The following SRRM1 variants were observed in gnomAD, a reference collection of about 807,000 sequenced individuals.
SRRM1 encodes the protein serine and arginine repetitive matrix 1.
A neutral mutation model predicts 110.2 loss-of-function variants in SRRM1; 19 were observed. That is an observed-to-expected ratio of 0.17 (90% CI 0.12 to 0.25). SRRM1 has a LOEUF of 0.25. SRRM1 is among the 10% of genes least tolerant of loss of function. The probability of loss-of-function intolerance (pLI) is 1.00; values close to 1 mark genes in which losing one functional copy is unlikely to be tolerated. For synonymous variants in SRRM1, 443 were observed against 414.9 expected, an observed-to-expected ratio of 1.07 and a Z score of -0.82; for missense variants, 918 against 1,145.8, an observed-to-expected ratio of 0.80 and a Z score of 2.87.
intron 1 of SRRM1, 95 bp downstream of exon 1, chr1:24,643,442 G>A: frequency 3.6e-6 from 4 of 1,111,140 alleles, no homozygotes; most frequent in Non-Finnish European, 4.9e-6. Context: ...CCAGCGAGGG[G>A]AGCTTCGGAG....
chr1:24,670,486 T>C (rs1326816245), intron 15 of SRRM1, among the ~76,000 whole-genome samples, 171 bp downstream of exon 15: 1 of 152,188 alleles, frequency 6.6e-6, no homozygotes, highest in African/African-American at 2.4e-5. Flanking sequence ...AATCAGTGGT[T>C]AGGTGTCCAT....
intron 9 of SRRM1, among the ~76,000 whole-genome samples, chr1:24,657,327 A>G (rs912229464): frequency 6.6e-6 from 1 of 152,250 alleles, no homozygotes; most frequent in African/African-American, 2.4e-5. Context: ...GTCAAGGTCA[A>G]CCAACTAGGA....
chr1:24,657,170 C>T (rs1025064998), intron 9 of SRRM1, among the ~76,000 whole-genome samples: 3 of 152,140 alleles, frequency 2.0e-5, no homozygotes, highest in African/African-American at 7.2e-5. Flanking sequence ...AGCCTCCAAC[C>T]CCTGGGATTA....
At chr1:24,649,651 G>A (rs975217595) in intron 4 of SRRM1, among the ~76,000 whole-genome samples, 1 of 152,198 alleles carries the variant, frequency 6.6e-6, no homozygotes, top group Non-Finnish European at 1.5e-5. Flanking sequence ...CTCCCAGAAA[G>A]AATAAGGTCA....
chr1:24,670,938 G>A (rs1217853509), intron 15 of SRRM1, among the ~76,000 whole-genome samples: 3 of 152,166 alleles, frequency 2.0e-5, no homozygotes, highest in Non-Finnish European at 4.4e-5. Context: ...CTAAAGATAG[G>A]AGAGCTCAGA....
At position 24,669,268 on chromosome 1, in the gene SRRM1, C is replaced by T. The variant is rs752295008; in HGVS notation, c.1885C>T (p.Pro629Ser). 1.2e-5 allele frequency: 20 copies of T among 1,614,062 alleles called. No individual in the cohort carries two copies. Among genetic ancestry groups the T allele is most frequent in the Non-Finnish European group, 1.6e-5 (19 of 1,180,052 alleles). ...PPPKRRASPS[P>S]PPKRRVSHSP... The stretch of plus-strand genomic sequence containing the variant: ...TCCTAAACGAAGAGCATCACCATCT[C>T]CACCACCAAAGCGGCGGGTCTCCCA... Residue 629 changes from proline to serine, a missense_variant, in exon 14 of 17, where the codon CCA becomes TCA. Pro to Ser is a moderately conservative substitution (Grantham distance 74). This residue lies in a region of SRRM1 where 357 missense variants were observed against 402.9 expected (regional missense o/e 0.89). Transcript: ENST00000323848.
intron 12 of SRRM1, among the ~76,000 whole-genome samples, chr1:24,663,916 A>G (rs1668522240): frequency 6.8e-6 from 1 of 146,518 alleles, no homozygotes; most frequent in Non-Finnish European, 1.5e-5. Context: ...AATAATAATA[A>G]ATAAAAGCGA....
intron 1 of SRRM1, among the ~76,000 whole-genome samples, chr1:24,644,191 T>C (rs1217560310): frequency 6.6e-6 from 1 of 152,088 alleles, no homozygotes; most frequent in Non-Finnish European, 1.5e-5. Flanking sequence ...GGGAAGTTAC[T>C]CCGTCGTAGT....
rs541246303 is a variant in SRRM1 at position 24,651,520 on chromosome 1, C to T, written c.633C>T (p.Ser211=). Residue 211 remains serine, a synonymous_variant, in exon 6 of 17, where the codon TCC becomes TCT. Transcript: ENST00000323848. ...ACAGAACCAAGAGCCGGAGTCCTTC[C>T]CCTGCTCCAGAAAAGAAGGAAAAAA... ...PRHRTKSRSP[S]PAPEKKEKTP... is the part of the protein sequence containing the mutation. The T allele has an allele frequency of 1.9e-6, 3 of 1,613,984 alleles. No individual in the cohort carries two copies. The African/African-American group carries it at 4.0e-5, about 22-fold the overall frequency.
intron 3 of SRRM1, 152 bp from the exon 4 acceptor site, chr1:24,648,707 G>A (rs1273994068): frequency 1.2e-5 from 7 of 608,040 alleles, no homozygotes; most frequent in Non-Finnish European, 2.0e-5. Flanking sequence ...TACTAGGGAA[G>A]ACTATTTGTA....
intron 9 of SRRM1, among the ~76,000 whole-genome samples, 154 bp downstream of exon 9, chr1:24,655,283 C>A (rs1244559358): frequency 2.6e-5 from 4 of 152,194 alleles, no homozygotes; most frequent in African/African-American, 4.8e-5. Context: ...CTACCTCTTT[C>A]CTGCTTTAAA....
At chr1:24,667,600 C>G (rs1351159198) in intron 13 of SRRM1, among the ~76,000 whole-genome samples, 1 of 152,064 alleles carries the variant, frequency 6.6e-6, no homozygotes, top group Non-Finnish European at 1.5e-5. Context: ...AATACCTGAC[C>G]AGTATTCAAA....
At chr1:24,653,634 C>T (rs1390008655) in intron 8 of SRRM1, among the ~76,000 whole-genome samples, 1 of 151,900 alleles carries the variant, frequency 6.6e-6, no homozygotes, top group Non-Finnish European at 1.5e-5. Context: ...TACCAGTGTT[C>T]TTTTTTTTAC....
At chr1:24,653,418 T>TA (rs1662192714) in intron 8 of SRRM1, among the ~76,000 whole-genome samples, 1 of 152,230 alleles carries the variant, frequency 6.6e-6, no homozygotes, top group Non-Finnish European at 1.5e-5. Flanking sequence ...CATTTGCTGT[T>TA]ATACTTTGAG....
intron 9 of SRRM1, among the ~76,000 whole-genome samples, chr1:24,657,655 G>A (rs1224913396): frequency 7.9e-5 from 12 of 152,152 alleles, no homozygotes; most frequent in Admixed American, 5.2e-4. Context: ...GAACTTACAG[G>A]TTAATTATTT....
At chr1:24,669,867 G>A in intron 14 of SRRM1, 1 of 554,902 alleles carries the variant, frequency 1.8e-6, no homozygotes. Context: ...TTTCTTGTGT[G>A]TGATGTAAGG....
In SRRM1 at chr1:24,646,093, T is replaced by C. The variant is rs753591434; in HGVS notation, c.111+20T>C. 5.0e-5 allele frequency: 79 copies of C among 1,577,016 alleles called. No individual in the cohort carries two copies. Among genetic ancestry groups the C allele is most frequent in the Non-Finnish European group, 6.9e-5 (79 of 1,148,012 alleles). ...AAAAAGGTATTCTTCTGGATGAGAC[T>C]GTTGTGCATCTTTATAGCACACTTA... On this transcript the variant is annotated intron_variant, in intron 2 of 16. Coordinates refer to ENST00000323848, the MANE Select transcript of SRRM1 (RefSeq NM_005839.4).
chr1:24,661,626 C>T (rs113935440), intron 11 of SRRM1, among the ~76,000 whole-genome samples: 107 of 152,146 alleles, frequency 7.0e-4, no homozygotes, highest in African/African-American at 2.5e-3. Flanking sequence ...AAACAGAAAA[C>T]AGAAGTATAA....
intron 12 of SRRM1, among the ~76,000 whole-genome samples, chr1:24,665,652 G>A (rs1210832530): frequency 6.6e-6 from 1 of 152,164 alleles, no homozygotes; most frequent in African/African-American, 2.4e-5. Context: ...GGCAGAGCTT[G>A]CAGTAAGCCC....
Sources: allele counts gnomAD v4.1 joint callset (sites outside exome capture counted in the v4.1 genomes callset), GRCh38; gene constraint gnomAD v4.1.1; regional missense constraint gnomAD v4.1.1; transcripts MANE v1.5; gene names NCBI Gene and HGNC (gene_info 2026-07-23, HGNC 2026-07-21).